The following PARPBP variants were observed in gnomAD, a reference collection of about 807,000 sequenced individuals.
The protein encoded by PARPBP is PARP1 binding protein.
PARPBP carries 52 observed loss-of-function variants against 50.0 expected under a neutral mutation model. That is an observed-to-expected ratio of 1.04 (90% CI 0.83 to 1.31). The LOEUF (loss-of-function observed/expected upper bound fraction) is 1.31, where lower values mean the gene tolerates loss of function less well. Ranked by LOEUF, PARPBP falls within the 50% of genes most tolerant of loss-of-function variation. PARPBP has a pLI of 0.00. For missense variants in PARPBP, 697 were observed against 672.0 expected, an observed-to-expected ratio of 1.04 and a Z score of -0.41; for synonymous variants, 244 against 232.1, an observed-to-expected ratio of 1.05 and a Z score of -0.47.
At position 102,127,170 on chromosome 12, in the gene PARPBP, A is replaced by G. The variant is rs140189925; in HGVS notation, c.153+3129A>G. Among the ~76,000 whole-genome samples, 7 of 152,270 alleles carry G rather than the reference A, an allele frequency of 4.6e-5. No homozygotes were observed. The East Asian group carries it at 1.4e-3, about 29-fold the overall frequency. ...AGCACTCTGAGAGTCCATGATGGGC[A>G]GATCACTTAAGCCCAGAAGTTCAAG... On this transcript the variant is annotated intron_variant, in intron 2 of 10. Coordinates refer to ENST00000327680, the MANE Select transcript of PARPBP (RefSeq NM_017915.5).
chr12:102,126,025 A>G (rs938920254), intron 2 of PARPBP, among the ~76,000 whole-genome samples: 3 of 152,236 alleles, frequency 2.0e-5, no homozygotes, highest in African/African-American at 7.2e-5. Context: ...GATAAGCACA[A>G]TACTGGAATA....
In PARPBP at chr12:102,175,532, G is replaced by A. The variant is rs751838043; in HGVS notation, c.871G>A (p.Gly291Ser). The A allele has an allele frequency of 3.7e-6, 6 of 1,613,684 alleles. No individual in the cohort carries two copies. In the South Asian group the frequency reaches 6.6e-5, roughly 18 times the overall value. ...LSVIKMQLIK[G>S]QNSRDPFCKA... ...AGTGATAAAGATGCAACTGATTAAA[G>A]GCCAAAACAGCAGGGATCCTTTTTG... Residue 291 changes from glycine to serine, a missense_variant, in exon 7 of 11, where the codon GGC (glycine) becomes AGC (serine). Transcript: ENST00000327680.
chr12:102,172,355 A>G (rs1226370990), intron 6 of PARPBP, among the ~76,000 whole-genome samples: 2 of 152,208 alleles, frequency 1.3e-5, no homozygotes, highest in African/African-American at 2.4e-5. Context: ...TATCATTATC[A>G]CTTGTGAGCT....
intron 3 of PARPBP, chr12:102,151,782 G>A (rs1249970457): frequency 6.5e-7 from 1 of 1,535,560 alleles, no homozygotes; most frequent in Admixed American, 2.0e-5. Context: ...TGAAGAAGCT[G>A]GCAGCTGTCA....
chr12:102,169,987 T>C (rs1888528231), intron 6 of PARPBP, among the ~76,000 whole-genome samples: 1 of 152,172 alleles, frequency 6.6e-6, no homozygotes, highest in Non-Finnish European at 1.5e-5. Flanking sequence ...CAGTAATGTT[T>C]GAGTCCAAGG....
intron 7 of PARPBP, among the ~76,000 whole-genome samples, chr12:102,176,302 T>C (rs1889276217): frequency 1.3e-5 from 2 of 152,170 alleles, no homozygotes; most frequent in Non-Finnish European, 2.9e-5. Context: ...CATAAACAAT[T>C]ACTTTCCCAT....
intron 3 of PARPBP, among the ~76,000 whole-genome samples, chr12:102,150,743 G>A (rs924847940): frequency 6.6e-6 from 1 of 152,216 alleles, no homozygotes; most frequent in African/African-American, 2.4e-5. Context: ...GAGCAGAAAT[G>A]GTTAATCCTG....
At chr12:102,135,471 G>A (rs1172492921) in intron 2 of PARPBP, among the ~76,000 whole-genome samples, 2 of 150,518 alleles carry the variant, frequency 1.3e-5, no homozygotes, top group Non-Finnish European at 3.0e-5. Flanking sequence ...TGTGAACCCG[G>A]GAGGCAGAGC....
Position 102,148,114 on chromosome 12 carries a change from A to G in PARPBP, c.154-116A>G, listed in dbSNP as rs562310341. On this transcript the variant is annotated intron_variant, in intron 2 of 10. Coordinates refer to ENST00000327680, the MANE Select transcript of PARPBP (RefSeq NM_017915.5). The stretch of plus-strand genomic sequence containing the variant: ...CTTGGGTGTTCTCTTCAAACCCACA[A>G]AAATTGAATGTAGACTTTACCAAAA... 8.3e-5 allele frequency: 43 copies of G among 516,298 alleles called. No homozygotes were observed. In the South Asian group the frequency reaches 1.4e-3, roughly 17 times the overall value. 32.0% of individuals were successfully genotyped at this position (516,298 alleles called of 1,614,324 possible).
At chr12:102,167,879 G>A (rs1003253432) in intron 6 of PARPBP, among the ~76,000 whole-genome samples, 3 of 152,034 alleles carry the variant, frequency 2.0e-5, no homozygotes, top group Admixed American at 6.6e-5. Context: ...GGAGAATGGG[G>A]GTATAAGTGT....
intron 9 of PARPBP, among the ~76,000 whole-genome samples, chr12:102,189,315 A>G (rs948009280): frequency 1.3e-5 from 2 of 152,218 alleles, no homozygotes; most frequent in South Asian, 2.1e-4. Flanking sequence ...AATGTGCCAC[A>G]GGGCATAGAC....
chr12:102,184,337 C>T (rs2137051941), intron 9 of PARPBP, among the ~76,000 whole-genome samples: 1 of 151,966 alleles, frequency 6.6e-6, no homozygotes, highest in South Asian at 2.1e-4. Context: ...ATAAACAATC[C>T]AATTGGATTT....
At chr12:102,187,528 A>C (rs1483867033) in intron 9 of PARPBP, among the ~76,000 whole-genome samples, 1 of 152,078 alleles carries the variant, frequency 6.6e-6, no homozygotes, top group Non-Finnish European at 1.5e-5. Flanking sequence ...ATTGAAATAC[A>C]CTCCCTAATG....
At chr12:102,144,334 T>C (rs1885069662) in intron 2 of PARPBP, among the ~76,000 whole-genome samples, 3 of 152,220 alleles carry the variant, frequency 2.0e-5, no homozygotes, top group Admixed American at 2.0e-4. Context: ...CCTTCTTATG[T>C]CCATCAGAGA....
At chr12:102,155,599 G>T (rs1033365035) in intron 4 of PARPBP, among the ~76,000 whole-genome samples, 2 of 126,914 alleles carry the variant, frequency 1.6e-5, no homozygotes, top group Admixed American at 8.3e-5. Context: ...CATGGTGGGG[G>T]GGGGGGGCGG....
chr12:102,183,350 CA>C (rs1218257708), intron 9 of PARPBP, among the ~76,000 whole-genome samples: 2 of 151,892 alleles, frequency 1.3e-5, no homozygotes, highest in African/African-American at 2.4e-5. Flanking sequence ...CATCTTGATA[CA>C]ACAAAAAAGA....
Position 102,164,695 on chromosome 12 carries a change from CT to C in PARPBP, c.666+91del, listed in dbSNP as rs768227436. On this transcript the variant is annotated intron_variant, in intron 5 of 10. Transcript: ENST00000327680. ...TATGCTTGTAACTAGGATGAAACAACTTTTAAGTGGTTAATTTATGTTCTAC... is the reference window on the plus strand; with the variant it reads ...TATGCTTGTAACTAGGATGAAACAACTTTAAGTGGTTAATTTATGTTCTAC... 6.7e-6 allele frequency: 7 copies of C among 1,052,326 alleles called. No homozygotes were observed. The South Asian group carries it at 9.0e-5, about 14-fold the overall frequency. 65.2% of individuals were successfully genotyped at this position (1,052,326 alleles called of 1,614,324 possible).
At chr12:102,127,173 TC>T (rs1398888324) in intron 2 of PARPBP, among the ~76,000 whole-genome samples, 3 of 152,078 alleles carry the variant, frequency 2.0e-5, no homozygotes, top group African/African-American at 7.2e-5. Context: ...GATGGGCAGA[TC>T]ACTTAAGCCC....
At chr12:102,134,585 T>C (rs1475404103) in intron 2 of PARPBP, among the ~76,000 whole-genome samples, 1 of 152,234 alleles carries the variant, frequency 6.6e-6, no homozygotes, top group Non-Finnish European at 1.5e-5. Flanking sequence ...GGGGGAACAC[T>C]TTCCAGCTCA....
Sources: gnomAD v4.1 joint callset for allele counts (sites outside exome capture counted in the v4.1 genomes callset) on GRCh38, gnomAD v4.1.1 for gene constraint, MANE v1.5 for transcripts, NCBI Gene and HGNC (gene_info 2026-07-23, HGNC 2026-07-21) for gene names.